The following EXOC4 variants were observed in gnomAD, a reference collection of about 807,000 sequenced individuals.
The protein encoded by EXOC4 is SEC8-like 1.
In EXOC4, 71 loss-of-function variants were observed where a neutral mutation model predicts 107.2. That is an observed-to-expected ratio of 0.66 (90% CI 0.55 to 0.81). The LOEUF (loss-of-function observed/expected upper bound fraction) is 0.81. EXOC4 is among the 30% of genes least tolerant of loss of function. EXOC4 has a pLI of 0.00. For missense variants in EXOC4, 1,108 were observed against 1,189.6 expected, an observed-to-expected ratio of 0.93 and a Z score of 1.01; for synonymous variants, 456 against 441.2, an observed-to-expected ratio of 1.03 and a Z score of -0.42.
At chr7:133,563,253 A>C (rs1319119091) in intron 9 of EXOC4, among the ~76,000 whole-genome samples, 1 of 152,186 alleles carries the variant, frequency 6.6e-6, no homozygotes, top group Non-Finnish European at 1.5e-5. Flanking sequence ...TTAATTATTA[A>C]AGTATCCCAA....
chr7:133,359,855 A>G lies in EXOC4; in HGVS notation c.1007+3282A>G, dbSNP rs974884229. Among the ~76,000 whole-genome samples the G allele has an allele frequency of 1.3e-5, 2 of 152,072 alleles. 1 individual carries two copies. Among genetic ancestry groups the G allele is most frequent in the South Asian group, 4.1e-4 (2 of 4,834 alleles). On this transcript the variant is annotated intron_variant, in intron 6 of 17. Transcript: ENST00000253861. Reference sequence around the variant, plus strand: ...AAAAAATCACTTTGGTGACCTACTTATTATTTTATTTTATTTTGTTTTTGA... The same window carrying G: ...AAAAAATCACTTTGGTGACCTACTTGTTATTTTATTTTATTTTGTTTTTGA...
chr7:133,510,251 G>A (rs911439625), intron 9 of EXOC4, among the ~76,000 whole-genome samples: 2 of 152,134 alleles, frequency 1.3e-5, no homozygotes, highest in East Asian at 3.8e-4. Flanking sequence ...TTGTTTTAGT[G>A]AGCATAATGT....
chr7:133,972,122 C>T (rs1801256323), intron 14 of EXOC4, among the ~76,000 whole-genome samples: 1 of 152,244 alleles, frequency 6.6e-6, no homozygotes, highest in Non-Finnish European at 1.5e-5. Context: ...AAACTACCAT[C>T]TTTACTCCTG....
chr7:133,992,730 T>C (rs1794293055), intron 14 of EXOC4, among the ~76,000 whole-genome samples: 1 of 148,976 alleles, frequency 6.7e-6, no homozygotes, highest in African/African-American at 2.5e-5. Context: ...CCTTTCTATC[T>C]TGGATGCCGT....
intron 9 of EXOC4, among the ~76,000 whole-genome samples, chr7:133,600,134 T>G (rs1801773423): frequency 6.6e-6 from 1 of 152,118 alleles, no homozygotes; most frequent in Non-Finnish European, 1.5e-5. Flanking sequence ...ACTCCTGGCC[T>G]CAAGAAATCT....
In EXOC4 at chr7:133,483,554, T is replaced by C. The variant is rs115725623; in HGVS notation, c.1417+3416T>C. ...TGAAATATGGGCTTTCAAGCACAAG[T>C]CGATTGAACTTACCAGTTTTCAGCA... On this transcript the variant is annotated intron_variant, in intron 9 of 17. Transcript: ENST00000253861. Among the ~76,000 whole-genome samples the C allele has an allele frequency of 6.8e-3, 1,032 of 152,308 alleles. 11 individuals are homozygous for C. The highest frequency in any genetic ancestry group is 0.023 in the African/African-American group (972 of 41,566).
rs559307807 is a variant in EXOC4 at position 133,479,889 on chromosome 7, G to A, written c.1329-161G>A. Reference sequence around the variant, plus strand: ...ATATCGCTCATAAATCAAGGTCTGCGGCAGCTGGCCCTGGCCCTGTCATGG... The same window carrying A: ...ATATCGCTCATAAATCAAGGTCTGCAGCAGCTGGCCCTGGCCCTGTCATGG... On this transcript the variant is annotated intron_variant, in intron 8 of 17. Transcript: ENST00000253861. Among the ~76,000 whole-genome samples the A allele has an allele frequency of 5.9e-5, 9 of 152,270 alleles. No individual in the cohort carries two copies. The South Asian group carries it at 6.2e-4, about 11-fold the overall frequency.
chr7:134,052,898 C>T (rs1212825795), intron 17 of EXOC4, among the ~76,000 whole-genome samples: 1 of 152,182 alleles, frequency 6.6e-6, no homozygotes, highest in African/African-American at 2.4e-5. Flanking sequence ...GACCATCTCC[C>T]CCCGGAGTTA....
At chr7:133,991,376 A>C (rs895850892) in intron 14 of EXOC4, among the ~76,000 whole-genome samples, 1 of 152,036 alleles carries the variant, frequency 6.6e-6, no homozygotes, top group Non-Finnish European at 1.5e-5. Flanking sequence ...TACTTTGAAA[A>C]TAATTTGTTT....
chr7:133,434,301 A>G (rs1797918958), intron 7 of EXOC4, among the ~76,000 whole-genome samples: 1 of 152,162 alleles, frequency 6.6e-6, no homozygotes. Context: ...GGGGGGAAAA[A>G]GAAGGTTGTT....
intron 11 of EXOC4, among the ~76,000 whole-genome samples, chr7:133,893,981 T>C (rs1267849201): frequency 1.0e-5 from 1 of 95,984 alleles, no homozygotes; most frequent in Non-Finnish European, 1.9e-5. Context: ...CCTGCCTTGC[T>C]AGATTGGGGA....
intron 5 of EXOC4, among the ~76,000 whole-genome samples, chr7:133,339,007 C>G (rs1161431266): frequency 6.6e-6 from 1 of 152,138 alleles, no homozygotes; most frequent in East Asian, 1.9e-4. Flanking sequence ...CCTCCTTGCC[C>G]TCCCAAAGTG....
chr7:133,290,646 TA>T (rs1400516542), intron 3 of EXOC4, among the ~76,000 whole-genome samples: 1 of 152,236 alleles, frequency 6.6e-6, no homozygotes, highest in Non-Finnish European at 1.5e-5. Context: ...ATGTTCATAT[TA>T]GGATTTCAGA....
chr7:133,712,930 T>C (rs147397975), intron 10 of EXOC4, among the ~76,000 whole-genome samples: 75 of 152,302 alleles, frequency 4.9e-4, no homozygotes, highest in African/African-American at 1.8e-3. Flanking sequence ...GAATGCAGAT[T>C]GATGGTTGCC....
chr7:133,861,109 A>G (rs1798524630), intron 11 of EXOC4, among the ~76,000 whole-genome samples: 3 of 152,326 alleles, frequency 2.0e-5, no homozygotes, highest in Admixed American at 1.3e-4. Flanking sequence ...CAAAAAGGGA[A>G]GAGAGGCATG....
intron 9 of EXOC4, among the ~76,000 whole-genome samples, chr7:133,557,675 T>C (rs1273612844): frequency 6.6e-6 from 1 of 152,144 alleles, no homozygotes; most frequent in Non-Finnish European, 1.5e-5. Context: ...AAATCCAACA[T>C]TTTATTCTCT....
chr7:134,071,412 C>T (rs1451183714), downstream of EXOC4, among the ~76,000 whole-genome samples: 2 of 152,336 alleles, frequency 1.3e-5, no homozygotes, highest in South Asian at 4.1e-4. Context: ...AGATGGCAGA[C>T]TGGTGTCCTA....
At chr7:133,695,031 AGGCT>A (rs1794502801) in intron 10 of EXOC4, among the ~76,000 whole-genome samples, 1 of 152,178 alleles carries the variant, frequency 6.6e-6, no homozygotes, top group Non-Finnish European at 1.5e-5. Flanking sequence ...TATGTTGGTC[AGGCT>A]GGTCTGGAAC....
intron 10 of EXOC4, among the ~76,000 whole-genome samples, chr7:133,764,357 C>T (rs924029849): frequency 1.3e-5 from 2 of 151,974 alleles, no homozygotes; most frequent in Admixed American, 6.6e-5. Context: ...TAATCCAAAT[C>T]GTCAAAATAT....
Sources: gnomAD v4.1 joint callset for allele counts (sites outside exome capture counted in the v4.1 genomes callset) on GRCh38, gnomAD v4.1.1 for gene constraint, MANE v1.5 for transcripts, NCBI Gene and HGNC (gene_info 2026-07-23, HGNC 2026-07-21) for gene names.